The following SEC14L4 variants were observed in gnomAD, a reference collection of about 807,000 sequenced individuals.
SEC14L4 encodes SEC14 like lipid binding 4.
In SEC14L4, 42 loss-of-function variants were observed where a neutral mutation model predicts 55.1. The ratio of observed to expected loss-of-function variants is 0.76; its 90% CI spans 0.60 to 0.99. The LOEUF is 0.99. Among genes scored for constraint, SEC14L4 ranks in the 50% least tolerant of loss-of-function variants. The pLI is 0.00. For missense variants in SEC14L4, 445 were observed against 512.1 expected, an observed-to-expected ratio of 0.87 and a Z score of 1.27; for synonymous variants, 206 against 206.8, an observed-to-expected ratio of 1.00 and a Z score of 0.03.
At position 30,492,527 on chromosome 22, in the gene SEC14L4, A is replaced by C. The variant is rs753320232; in HGVS notation, c.611T>G (p.Leu204Trp). ...CTCCTCACTCATGAACGACTTGACC[A>C]AGTTGAAGGCCACGGGGAACAGTTT... ...APKLFPVAFN[L>W]VKSFMSEETR... The change falls in exon 8 of 12, where the codon TTG becomes TGG. Residue 204 changes from leucine (L) to tryptophan (W), a missense_variant. Transcript: ENST00000255858. 4 of 1,613,934 alleles carry C rather than the reference A, an allele frequency of 2.5e-6. No homozygotes were observed. Among genetic ancestry groups the C allele is most frequent in the Non-Finnish European group, 3.4e-6 (4 of 1,179,918 alleles).
At chr22:30,505,362 C>T (rs1936456430) in intron 1 of SEC14L4, among the ~76,000 whole-genome samples, 196 bp downstream of exon 1, 1 of 152,198 alleles carries the variant, frequency 6.6e-6, no homozygotes, top group Non-Finnish European at 1.5e-5. Flanking sequence ...GGCTCCTGGT[C>T]ACGCAGAGAT....
intron 7 of SEC14L4, among the ~76,000 whole-genome samples, chr22:30,493,045 C>T (rs1036663061): frequency 6.8e-6 from 1 of 146,734 alleles, no homozygotes; most frequent in Admixed American, 7.0e-5. Flanking sequence ...GATCACGCCA[C>T]TGCACTCCAG....
In SEC14L4 at chr22:30,491,640, G is replaced by A. The variant is rs765687119; in HGVS notation, c.1014C>T (p.Pro338=). The A allele has an allele frequency of 1.9e-6, 3 of 1,614,046 alleles. No homozygotes were observed. The highest frequency in any genetic ancestry group is 2.5e-6 in the Non-Finnish European group (3 of 1,180,024). ...QSAREMTEVL[P]SQRYNAHMVP... ...CCATGTGGGCATTGTAGCGCTGGCT[G>A]GGCAGCACCTCCGTCATCTCCCTAG... The change falls in exon 11 of 12, where the codon CCC becomes CCT. Residue 338 remains proline, a synonymous_variant. Transcript: ENST00000255858.
At position 30,503,761 on chromosome 22, in the gene SEC14L4, A is replaced by C. The variant is rs1378102434; in HGVS notation, c.55-9T>G. 6.2e-7 allele frequency: 1 copy of C among 1,610,272 alleles called. No homozygotes were observed. The highest frequency in any genetic ancestry group is 1.1e-5 in the South Asian group (1 of 90,996). On this transcript the variant is annotated splice_polypyrimidine_tract_variant and intron_variant, in intron 1 of 11. Coordinates refer to ENST00000255858, the MANE Select transcript of SEC14L4 (RefSeq NM_174977.4). ...TGGAGGTTCTCCCGGAACTGAGCGG[A>C]GGAGGATCTGATGGTCGGCGGAGCT...
Position 30,492,469 on chromosome 22 carries a change from C to T in SEC14L4, c.664+5G>A, listed in dbSNP as rs938133042. The T allele has an allele frequency of 1.2e-6, 2 of 1,612,788 alleles. No individual in the cohort carries two copies. The highest frequency in any genetic ancestry group is 2.7e-5 in the African/African-American group (2 of 74,894). On this transcript the variant is annotated splice_donor_5th_base_variant and intron_variant, in intron 8 of 11. Transcript: ENST00000255858. Reference sequence around the variant, plus strand: ...TGGACACAACCAGGGGGCCACGTCGCTCACCTCCCAGAATCACAATCTTCC... The same window carrying T: ...TGGACACAACCAGGGGGCCACGTCGTTCACCTCCCAGAATCACAATCTTCC...
At chr22:30,498,880 G>C (rs1406143729) in intron 2 of SEC14L4, among the ~76,000 whole-genome samples, 2 of 152,110 alleles carry the variant, frequency 1.3e-5, no homozygotes, top group East Asian at 3.8e-4. Flanking sequence ...TAGATATTCT[G>C]TTGTTGAACT....
chr22:30,491,559 C>T lies in SEC14L4; in HGVS notation c.1081+14G>A, dbSNP rs751164844. The T allele has an allele frequency of 2.5e-6, 4 of 1,613,966 alleles. No homozygotes were observed. The highest frequency in any genetic ancestry group is 3.4e-6 in the Non-Finnish European group (4 of 1,179,922). On this transcript the variant is annotated intron_variant, in intron 11 of 11. Coordinates refer to ENST00000255858, the MANE Select transcript of SEC14L4 (RefSeq NM_174977.4). ...GGCAGGGAAAACAATTCCAGTAAACCCCGCAGCTCTTACAGACGCCAGCCT... is the reference window on the plus strand; with the variant it reads ...GGCAGGGAAAACAATTCCAGTAAACTCCGCAGCTCTTACAGACGCCAGCCT...
Position 30,489,676 on chromosome 22 carries a change from G to T in SEC14L4, c.*431C>A. On this transcript the variant is annotated 3_prime_UTR_variant, in exon 12 of 12. Coordinates refer to ENST00000255858, the MANE Select transcript of SEC14L4 (RefSeq NM_174977.4). ...CTGACCTCCTACATGCAGAGAACAGGGCTTCTCTGCTCTTCAGGCCTGAAG... is the reference window on the plus strand; with the variant it reads ...CTGACCTCCTACATGCAGAGAACAGTGCTTCTCTGCTCTTCAGGCCTGAAG... 3.1e-6 allele frequency: 2 copies of T among 636,296 alleles called. No individual in the cohort carries two copies. Among genetic ancestry groups the T allele is most frequent in the Non-Finnish European group, 5.6e-6 (2 of 356,364 alleles). 39.4% of individuals were successfully genotyped at this position (636,296 alleles called of 1,614,324 possible).
At position 30,495,850 on chromosome 22, in the gene SEC14L4, A is replaced by G; in HGVS notation, c.174+78T>C. The G allele has an allele frequency of 2.5e-6, 4 of 1,592,560 alleles. No individual in the cohort carries two copies. The South Asian group carries it at 4.5e-5, about 18-fold the overall frequency. ...AGAAACAGGAGAATGGGACAGGGCC[A>G]GAGTCTCTACCCTTTTGCAGCAAAT... On this transcript the variant is annotated intron_variant, in intron 3 of 11. Transcript: ENST00000255858.
intron 2 of SEC14L4, among the ~76,000 whole-genome samples, chr22:30,502,803 A>C (rs1441361946): frequency 6.6e-6 from 1 of 152,154 alleles, no homozygotes; most frequent in Non-Finnish European, 1.5e-5. Flanking sequence ...TGCCTGCCTC[A>C]GCCTCCCAAA....
At chr22:30,502,770 T>G (rs1309312841) in intron 2 of SEC14L4, among the ~76,000 whole-genome samples, 1 of 152,026 alleles carries the variant, frequency 6.6e-6, no homozygotes, top group Non-Finnish European at 1.5e-5. Flanking sequence ...AGGCTGGTCT[T>G]GAACTCCTGA....
chr22:30,500,438 G>A lies in SEC14L4; in HGVS notation c.130+3239C>T, dbSNP rs147090985. ...AGATTCAGTTTATAGGTGATTTTCT[G>A]TTGTGTTGTTTGTTTGCTTTTTGAG... On this transcript the variant is annotated intron_variant, in intron 2 of 11. Transcript: ENST00000255858. 6.2e-3 allele frequency among the ~76,000 whole-genome samples: 939 copies of A among 152,030 alleles called. 19 individuals are homozygous for A. The highest frequency in any genetic ancestry group is 5.6e-3 in the South Asian group (27 of 4,814).
Position 30,491,617 on chromosome 22 carries a change from A to G in SEC14L4, c.1037T>C (p.Met346Thr). 6.2e-7 allele frequency: 1 copy of G among 1,614,094 alleles called. No individual in the cohort carries two copies. Reference protein sequence around the residue: ...VLPSQRYNAHMVPEDGSLTCL... With the variant: ...VLPSQRYNAHTVPEDGSLTCL... ...GGTGAGGCTCCCATCCTCAGGCACC[A>G]TGTGGGCATTGTAGCGCTGGCTGGG... Residue 346 changes from methionine to threonine, a missense_variant, in exon 11 of 12, where the codon ATG becomes ACG. By Grantham distance (81) the Met-to-Thr change is moderately conservative (BLOSUM62 -1). Transcript: ENST00000255858.
Position 30,490,170 on chromosome 22 carries a change from G to T in SEC14L4, c.1158C>A (p.Pro386=), listed in dbSNP as rs757045253. 6.2e-7 allele frequency: 1 copy of T among 1,614,124 alleles called. No individual in the cohort carries two copies. The highest frequency in any genetic ancestry group is 1.6e-4 in the Middle Eastern group (1 of 6,062). Residue 386 remains proline (P), a synonymous_variant, in exon 12 of 12, where the codon CCC becomes CCA. Coordinates refer to ENST00000255858, the MANE Select transcript of SEC14L4 (RefSeq NM_174977.4). ...KLSYTVEVLL[P]DKASEETLQS... is the part of the protein sequence containing the mutation. Reference sequence around the variant, plus strand: ...GCAGCGTCTCCTCAGAGGCCTTGTCGGGAAGCAGCACCTCCACAGTGTAGC... The same window carrying T: ...GCAGCGTCTCCTCAGAGGCCTTGTCTGGAAGCAGCACCTCCACAGTGTAGC...
intron 4 of SEC14L4, 57 bp downstream of exon 4, chr22:30,495,526 G>A: frequency 6.2e-7 from 1 of 1,609,682 alleles, no homozygotes; most frequent in Non-Finnish European, 8.5e-7. Context: ...GTGGTAGGTG[G>A]GAGATGTCAG....
chr22:30,489,445 GC>G lies in SEC14L4; in HGVS notation c.*661del. On this transcript the variant is annotated 3_prime_UTR_variant, in exon 12 of 12. Coordinates refer to ENST00000255858, the MANE Select transcript of SEC14L4 (RefSeq NM_174977.4). ...AGTAGAGACAGGGTTTCACCATGTT[GC>G]CCAGGCTGGTCCCGAACTCCTGATC... is the stretch of plus-strand genomic sequence containing the variant. 4.4e-6 allele frequency: 1 copy of G among 225,718 alleles called. No homozygotes were observed. Among genetic ancestry groups the G allele is most frequent in the Non-Finnish European group, 8.8e-6 (1 of 113,764 alleles). The allele number at this position is 225,718 out of a possible 1,614,324, so 14.0% of individuals were successfully genotyped here. A position where few individuals can be genotyped will look rare whatever the true frequency, so the allele number is the denominator to read the frequency against.
intron 2 of SEC14L4, among the ~76,000 whole-genome samples, chr22:30,498,955 T>TA (rs1289062039): frequency 8.6e-5 from 13 of 151,844 alleles, no homozygotes; most frequent in African/African-American, 9.7e-5. Flanking sequence ...TTATTATTAT[T>TA]TTTTTGATGG....
At chr22:30,497,245 A>G (rs1936179977) in intron 2 of SEC14L4, among the ~76,000 whole-genome samples, 1 of 152,166 alleles carries the variant, frequency 6.6e-6, no homozygotes, top group Non-Finnish European at 1.5e-5. Flanking sequence ...AGGCTGAGGC[A>G]GGAGAATTGC....
intron 1 of SEC14L4, 64 bp downstream of exon 1, chr22:30,505,494 G>A: frequency 1.4e-6 from 2 of 1,475,742 alleles, no homozygotes; most frequent in Non-Finnish European, 9.2e-7. Flanking sequence ...GCTCCAGCCG[G>A]GTTGGGCAGT....
Sources: allele counts gnomAD v4.1 joint callset (sites outside exome capture counted in the v4.1 genomes callset), GRCh38; gene constraint gnomAD v4.1.1; transcripts MANE v1.5; gene names NCBI Gene and HGNC (gene_info 2026-07-23, HGNC 2026-07-21).